Variants in NUB1 observed in about 807,000 individuals in gnomAD.
The protein encoded by NUB1 is NEDD8 ultimate buster 1.
In NUB1, 41 loss-of-function variants were observed where a neutral mutation model predicts 77.1. The ratio of observed to expected loss-of-function variants is 0.53; its 90% CI spans 0.41 to 0.69. The LOEUF is 0.69. NUB1 is among the 30% of genes least tolerant of loss of function. The pLI, the probability that NUB1 is intolerant of heterozygous loss-of-function variation, is 0.00. For synonymous variants in NUB1, 257 were observed against 281.0 expected (o/e 0.91, Z 0.85); for missense variants, 643 against 743.8 (o/e 0.86, Z 1.58).
At chr7:151,357,954 G>A (rs1471143809) in intron 7 of NUB1, among the ~76,000 whole-genome samples, 2 of 151,296 alleles carry the variant, frequency 1.3e-5, no homozygotes, top group Non-Finnish European at 2.9e-5. Context: ...CAGTGTTTGA[G>A]TTATCAGTAG....
At chr7:151,353,563 C>A (rs1176439985) in intron 5 of NUB1, among the ~76,000 whole-genome samples, 1 of 152,178 alleles carries the variant, frequency 6.6e-6, no homozygotes, top group Non-Finnish European at 1.5e-5. Flanking sequence ...TGTTGGGAAA[C>A]GAGAAACTAG....
chr7:151,347,641 G>T (rs569423872), intron 2 of NUB1, among the ~76,000 whole-genome samples: 1 of 152,232 alleles, frequency 6.6e-6, no homozygotes, highest in East Asian at 1.9e-4. Flanking sequence ...TTTAGTTTTT[G>T]TAGAGACGGG....
At chr7:151,363,412 C>T (rs1797479634) in intron 8 of NUB1, among the ~76,000 whole-genome samples, 1 of 146,288 alleles carries the variant, frequency 6.8e-6, no homozygotes, top group African/African-American at 2.6e-5. Flanking sequence ...TTAAATGTTA[C>T]ATAAGGCAAT....
intron 7 of NUB1, among the ~76,000 whole-genome samples, chr7:151,358,990 G>A (rs907218155): frequency 2.0e-5 from 3 of 151,878 alleles, no homozygotes; most frequent in African/African-American, 4.8e-5. Flanking sequence ...GCGTGAACTC[G>A]GGAGGCAGAG....
intron 2 of NUB1, among the ~76,000 whole-genome samples, chr7:151,345,693 A>G (rs1796471800): frequency 1.3e-5 from 2 of 152,224 alleles, no homozygotes; most frequent in African/African-American, 4.8e-5. Context: ...TTTTAATACC[A>G]TCACAGGATT....
intron 11 of NUB1, among the ~76,000 whole-genome samples, chr7:151,372,765 C>T (rs1445746961): frequency 2.0e-5 from 3 of 152,050 alleles, no homozygotes; most frequent in East Asian, 1.9e-4. Flanking sequence ...ACTGGAATGA[C>T]GGAGCCTGCT....
chr7:151,373,972 C>T (rs1798083611), intron 11 of NUB1, 125 bp from the exon 12 acceptor site: 2 of 1,025,834 alleles, frequency 1.9e-6, no homozygotes, highest in Non-Finnish European at 2.8e-6. Flanking sequence ...GAAAGAGGGC[C>T]CCCTGTGCTT....
At chr7:151,344,180 CAAAAAAA>C (rs561127147) in intron 1 of NUB1, among the ~76,000 whole-genome samples, 58 of 45,624 alleles carry the variant, frequency 1.3e-3, no homozygotes, top group African/African-American at 2.9e-3. Context: ...GACTCCCTCT[CAAAAAAA>C]AAAAAAAAAA....
chr7:151,354,884 C>G (rs1796990902), intron 5 of NUB1, among the ~76,000 whole-genome samples: 1 of 152,156 alleles, frequency 6.6e-6, no homozygotes, highest in South Asian at 2.1e-4. Context: ...TAGCTAGGAC[C>G]ACAGGTGCAT....
At chr7:151,360,377 G>T in intron 8 of NUB1, 130 bp downstream of exon 8, 1 of 494,652 alleles carries the variant, frequency 2.0e-6, no homozygotes, top group South Asian at 4.2e-5. Context: ...GAGTAGTTAT[G>T]GTGTAAACTG....
At chr7:151,365,012 GAC>G (rs1470251503) in intron 8 of NUB1, among the ~76,000 whole-genome samples, 1 of 147,328 alleles carries the variant, frequency 6.8e-6, no homozygotes, top group East Asian at 2.0e-4. Context: ...TTTCTTTAGA[GAC>G]AGAGTCTCTA....
At chr7:151,358,748 A>G (rs1439008941) in intron 7 of NUB1, among the ~76,000 whole-genome samples, 1 of 152,184 alleles carries the variant, frequency 6.6e-6, no homozygotes, top group Non-Finnish European at 1.5e-5. Flanking sequence ...ATGAACTTCA[A>G]AAAATTTTGG....
At chr7:151,370,975 C>T (rs963537501) in intron 11 of NUB1, among the ~76,000 whole-genome samples, 1 of 152,070 alleles carries the variant, frequency 6.6e-6, no homozygotes, top group Non-Finnish European at 1.5e-5. Flanking sequence ...AGCCGAGAGG[C>T]CACAGGACAG....
At position 151,349,189 on chromosome 7, in the gene NUB1, A is replaced by G. The variant is rs764850600; in HGVS notation, c.234A>G (p.Arg78=). 1.9e-6 allele frequency: 3 copies of G among 1,613,060 alleles called. No homozygotes were observed. The Admixed American group carries it at 5.0e-5, about 27-fold the overall frequency. The change falls in exon 3 of 15, where the codon AGA becomes AGG. Residue 78 remains arginine, a synonymous_variant. Coordinates refer to ENST00000568733, the MANE Select transcript of NUB1 (RefSeq NM_001243351.2). ...GTGGAACAGGAAATGACAATTATAG[A>G]ACAACGGGAATTGCTACAATCGAGG... ...IERGTGNDNY[R]TTGIATIEVF... is the part of the protein sequence containing the mutation.
chr7:151,372,839 G>A (rs1798024945), intron 11 of NUB1, among the ~76,000 whole-genome samples: 1 of 152,130 alleles, frequency 6.6e-6, no homozygotes, highest in Non-Finnish European at 1.5e-5. Flanking sequence ...ACGTAATGGG[G>A]GCATGAGACA....
rs772841054 is a variant in NUB1 at position 151,352,879 on chromosome 7, C to G, written c.412C>G (p.Leu138Val). 1.6e-5 allele frequency: 25 copies of G among 1,519,080 alleles called. No individual in the cohort carries two copies. Among genetic ancestry groups the G allele is most frequent in the Non-Finnish European group, 1.2e-5 (13 of 1,099,642 alleles). The allele number at this position is 1,519,080 out of a possible 1,614,324, so 94.1% of individuals were successfully genotyped here. The change falls in exon 5 of 15, where the codon CTA becomes GTA. Residue 138 changes from leucine to valine, a missense_variant. Leu to Val is a conservative substitution (Grantham distance 32, BLOSUM62 1). Coordinates refer to ENST00000568733, the MANE Select transcript of NUB1 (RefSeq NM_001243351.2). The stretch of plus-strand genomic sequence containing the variant: ...TGTCATAAATAAGAAGCAACTACAA[C>G]TAGGTATGTATGGCAAAGTATGCAT... ...KIVINKKQLQ[L>V]GKTLEEQGVA...
intron 8 of NUB1, chr7:151,361,245 C>G (rs1356747496): frequency 1.3e-5 from 2 of 152,230 alleles, no homozygotes; most frequent in African/African-American, 2.4e-5. Context: ...CTATCACCCT[C>G]CAAAGGTGAC....
At position 151,373,144 on chromosome 7, in the gene NUB1, T is replaced by C. The variant is rs117924342; in HGVS notation, c.1249-953T>C. On this transcript the variant is annotated intron_variant, in intron 11 of 14. Transcript: ENST00000568733. ...TGGGCAGGAGGCAGGATCAGGTCTC[T>C]GGAAGGAAGGAGTCTGTTTTCTCCC... Among the ~76,000 whole-genome samples, 51 of 152,296 alleles carry C rather than the reference T, an allele frequency of 3.3e-4. 2 individuals are homozygous for C. The East Asian group carries it at 8.7e-3, about 26-fold the overall frequency.
chr7:151,357,035 G>C (rs1797099357), intron 7 of NUB1, among the ~76,000 whole-genome samples: 1 of 151,778 alleles, frequency 6.6e-6, no homozygotes. Flanking sequence ...GTTTTTTTAA[G>C]ACACAGGGTC....
Sources: allele counts gnomAD v4.1 joint callset (sites outside exome capture counted in the v4.1 genomes callset), GRCh38; gene constraint gnomAD v4.1.1; transcripts MANE v1.5; gene names NCBI Gene and HGNC (gene_info 2026-07-23, HGNC 2026-07-21).